Variants in PBRM1 observed in about 807,000 individuals in gnomAD.
The protein encoded by PBRM1 is polybromo 1.
Under a neutral mutation model 194.5 loss-of-function variants are expected in PBRM1, and 27 were observed. That is an observed-to-expected ratio of 0.14 (90% confidence interval 0.10 to 0.19). The LOEUF is 0.19. PBRM1 is among the 10% of genes least tolerant of loss of function. PBRM1 has a pLI of 1.00. For synonymous variants in PBRM1, 655 were observed against 693.2 expected (o/e 0.94, Z 0.87); for missense variants, 1,466 against 2,077.2 (o/e 0.71, Z 5.72).
chr3:52,628,592 T>C (rs1344497047), intron 12 of PBRM1, among the ~76,000 whole-genome samples: 1 of 151,896 alleles, frequency 6.6e-6, no homozygotes, highest in Non-Finnish European at 1.5e-5. Context: ...CACCGCAGCC[T>C]CCTGAGTAGC....
intron 20 of PBRM1, among the ~76,000 whole-genome samples, chr3:52,582,280 T>A (rs1225966935): frequency 6.7e-6 from 1 of 150,098 alleles, no homozygotes; most frequent in Non-Finnish European, 1.5e-5. Flanking sequence ...CCTGTCTTGG[T>A]CATATAATAT....
At chr3:52,684,394 T>C (rs1354735806), upstream of PBRM1, among the ~76,000 whole-genome samples, 3 of 152,094 alleles carry the variant, frequency 2.0e-5, no homozygotes, top group Non-Finnish European at 4.4e-5. Context: ...AGACAAACAG[T>C]GTATTTCGAC....
chr3:52,643,176 A>G (rs1164408785), intron 9 of PBRM1, 72 bp downstream of exon 10: 10 of 1,045,632 alleles, frequency 9.6e-6, no homozygotes, highest in Non-Finnish European at 1.5e-5. Flanking sequence ...CAAGATAGCC[A>G]TTGGGCAAAT....
rs116423797 is a variant in PBRM1, at chr3:52,557,455, C to A, written c.4453+794G>T. ...ACACAGGTGGCTTGTACAGACCTCA[C>A]CAGGACTGGAGAGATCTCAAAGAAG... On this transcript the variant is annotated intron_variant, in intron 26 of 29. Transcript: ENST00000296302. Among the ~76,000 whole-genome samples, 788 of 152,236 alleles carry A rather than the reference C, an allele frequency of 5.2e-3. 8 individuals are homozygous for A. The highest frequency in any genetic ancestry group is 0.018 in the African/African-American group (751 of 41,530).
intron 10 of PBRM1, among the ~76,000 whole-genome samples, chr3:52,639,489 C>T (rs2095982756): frequency 6.6e-6 from 1 of 151,254 alleles, no homozygotes; most frequent in Admixed American, 6.6e-5. Flanking sequence ...GATCACGACT[C>T]ATTGTAGCCT....
At chr3:52,552,990 C>G (rs2081332942) in intron 27 of PBRM1, among the ~76,000 whole-genome samples, 1 of 152,210 alleles carries the variant, frequency 6.6e-6, no homozygotes, top group Admixed American at 6.5e-5. Context: ...AAGCAACTCT[C>G]ACAAAGAGTG....
chr3:52,638,169 T>TAC (rs2095901035), intron 10 of PBRM1, among the ~76,000 whole-genome samples: 1 of 152,180 alleles, frequency 6.6e-6, no homozygotes, highest in African/African-American at 2.4e-5. Context: ...CTATCTTTTA[T>TAC]ACACACTGCT....
At chr3:52,655,232 C>A (rs1381604929) in intron 5 of PBRM1, among the ~76,000 whole-genome samples, 1 of 152,154 alleles carries the variant, frequency 6.6e-6, no homozygotes, top group Non-Finnish European at 1.5e-5. Flanking sequence ...TATTAAACAA[C>A]TCCCCATTCC....
At chr3:52,662,196 T>C (rs1317742479) in exon 4 of PBRM1, 1 of 1,614,034 alleles carries the variant, frequency 6.2e-7, no homozygotes, top group Non-Finnish European at 8.5e-7. Context: ...CATCTGCTTC[T>C]CCTTTCTGAA....
intron 2 of PBRM1, among the ~76,000 whole-genome samples, chr3:52,673,661 G>A (rs2097007557): frequency 8.4e-6 from 1 of 119,688 alleles, no homozygotes. Flanking sequence ...AACAGAGTGG[G>A]ACTCCATCTC....
chr3:52,587,134 C>T (rs1025307118), intron 19 of PBRM1, among the ~76,000 whole-genome samples: 1 of 152,058 alleles, frequency 6.6e-6, no homozygotes. Flanking sequence ...AAAACTTAAC[C>T]TAACTGCATT....
chr3:52,666,668 A>G (rs1444162336), intron 3 of PBRM1, among the ~76,000 whole-genome samples: 1 of 152,230 alleles, frequency 6.6e-6, no homozygotes, highest in Non-Finnish European at 1.5e-5. Flanking sequence ...AGGCGGGTCA[A>G]TCGCTTGAGC....
intron 21 of PBRM1, 71 bp from the exon 24 acceptor site, chr3:52,576,769 C>T (rs2089715306): frequency 1.6e-6 from 2 of 1,242,608 alleles, no homozygotes; most frequent in Non-Finnish European, 2.3e-6. Flanking sequence ...ACAAAAATCG[C>T]ATTAACCAAA....
chr3:52,679,539 G>A (rs781567222), intron 1 of PBRM1, 35 bp downstream of exon 2: 8 of 1,588,694 alleles, frequency 5.0e-6, no homozygotes, highest in Non-Finnish European at 6.9e-6. Flanking sequence ...ATTGTGGGAA[G>A]AGCAGGCAGA....
At chr3:52,679,855 T>G, upstream of PBRM1, 1 of 557,880 alleles carries the variant, frequency 1.8e-6, no homozygotes, top group Non-Finnish European at 2.9e-6. Context: ...TTTAACTAGC[T>G]ATAAGTTTTT....
intron 26 of PBRM1, among the ~76,000 whole-genome samples, chr3:52,556,574 C>T (rs1044116775): frequency 2.6e-5 from 4 of 152,194 alleles, no homozygotes; most frequent in Admixed American, 6.5e-5. Flanking sequence ...AGACATGACA[C>T]TTGTCTTCAT....
intron 16 of PBRM1, among the ~76,000 whole-genome samples, chr3:52,605,734 C>T (rs2094310218): frequency 6.6e-6 from 1 of 151,540 alleles, no homozygotes; most frequent in Non-Finnish European, 1.5e-5. Flanking sequence ...TCTCAAGTAG[C>T]TGGGATTATA....
chr3:52,661,883 G>A (rs922442265), intron 4 of PBRM1, among the ~76,000 whole-genome samples: 1 of 152,252 alleles, frequency 6.6e-6, no homozygotes, highest in East Asian at 1.9e-4. Context: ...TTAAAACTGA[G>A]CAGGAAATAT....
At position 52,609,854 on chromosome 3, in the gene PBRM1, T is replaced by G. The variant is rs1026197287; in HGVS notation, c.2026A>C (p.Arg676=). The G allele has an allele frequency of 3.1e-6, 5 of 1,612,872 alleles. No homozygotes were observed. The highest frequency in any genetic ancestry group is 3.4e-6 in the Non-Finnish European group (4 of 1,179,562). The change falls in exon 16 of 30, where the codon AGG becomes CGG. Residue 676 remains arginine, a synonymous_variant. Transcript: ENST00000296302. The surrounding 1 kb of genome is among the most constrained non-coding windows in gnomAD (Gnocchi z 4.1). ...AATATGGCACTGAGGCGGCGACCCCTCTTATCAGTATAGTTCTTTACAGCT... is the reference window on the plus strand; with the variant it reads ...AATATGGCACTGAGGCGGCGACCCCGCTTATCAGTATAGTTCTTTACAGCT...
Sources: allele counts gnomAD v4.1 joint callset (sites outside exome capture counted in the v4.1 genomes callset), GRCh38; gene constraint gnomAD v4.1.1; non-coding constraint Gnocchi (gnomAD v3.1); transcripts MANE v1.5; gene names NCBI Gene and HGNC (gene_info 2026-07-23, HGNC 2026-07-21).